The following CCDC148 variants were observed in gnomAD, a reference collection of about 807,000 sequenced individuals.
CCDC148 encodes the protein coiled-coil domain containing 148.
A neutral mutation model predicts 85.7 loss-of-function variants in CCDC148; 89 were observed. That is an observed-to-expected ratio of 1.04 (90% CI 0.87 to 1.24). CCDC148 has a LOEUF of 1.24. Among genes scored for constraint, CCDC148 ranks in the 50% most tolerant of loss-of-function variants. CCDC148 has a pLI of 0.00. For missense variants in CCDC148, 692 were observed against 671.7 expected (o/e 1.03, Z -0.33); for synonymous variants, 230 against 213.9 (o/e 1.08, Z -0.66).
intron 7 of CCDC148, among the ~76,000 whole-genome samples, chr2:158,320,758 C>A (rs1692484635): frequency 1.3e-5 from 2 of 152,022 alleles, no homozygotes; most frequent in Admixed American, 6.6e-5. Context: ...AGAATAGAAA[C>A]CCCTTATAAA....
intron 10 of CCDC148, among the ~76,000 whole-genome samples, chr2:158,247,606 C>T (rs1043933790): frequency 6.6e-6 from 1 of 152,146 alleles, no homozygotes; most frequent in Non-Finnish European, 1.5e-5. Flanking sequence ...CCTGTAATCC[C>T]AGCACTTTGG....
chr2:158,443,515 A>AAAAAAAAAAAAAAAAAAAAAAAAAAAAAG (rs1553524474), intron 1 of CCDC148, among the ~76,000 whole-genome samples: 1 of 100,896 alleles, frequency 9.9e-6, no homozygotes, highest in Non-Finnish European at 2.0e-5. Context: ...AAAAAAAAAA[A>AAAAAAAAAAAAAAAAAAAAAAAAAAAAAG]AAAAAAAAGA....
At chr2:158,261,716 C>T (rs997491532) in intron 9 of CCDC148, among the ~76,000 whole-genome samples, 5 of 151,974 alleles carry the variant, frequency 3.3e-5, no homozygotes, top group Non-Finnish European at 5.9e-5. Context: ...TGAACAGATA[C>T]TTTTCAAAAG....
chr2:158,455,806 TTAG>T (rs1688655749), intron 1 of CCDC148, among the ~76,000 whole-genome samples: 1 of 152,146 alleles, frequency 6.6e-6, no homozygotes. Context: ...CAAAAAACAA[TTAG>T]TATTGATAAA....
intron 10 of CCDC148, among the ~76,000 whole-genome samples, chr2:158,226,138 A>G (rs1349932204): frequency 1.3e-5 from 2 of 152,248 alleles, no homozygotes; most frequent in African/African-American, 2.4e-5. Context: ...CACCTATCCC[A>G]CAGAAATACA....
intron 1 of CCDC148, among the ~76,000 whole-genome samples, chr2:158,391,136 G>A (rs563261693): frequency 6.6e-6 from 1 of 152,266 alleles, no homozygotes; most frequent in South Asian, 2.1e-4. Context: ...GAAAGGATAT[G>A]TTTCCTGCTT....
At chr2:158,454,087 GGA>G (rs1042212722) in intron 1 of CCDC148, among the ~76,000 whole-genome samples, 1 of 152,206 alleles carries the variant, frequency 6.6e-6, no homozygotes, top group African/African-American at 2.4e-5. Flanking sequence ...CATTTTTGTA[GGA>G]GAGAACTTAA....
At position 158,306,936 on chromosome 2, in the gene CCDC148, G is replaced by A. The variant is rs553058452; in HGVS notation, c.1110+2497C>T. 5.3e-5 allele frequency among the ~76,000 whole-genome samples: 8 copies of A among 151,054 alleles called. No homozygotes were observed. In the South Asian group the frequency reaches 1.3e-3, roughly 24 times the overall value. On this transcript the variant is annotated intron_variant, in intron 9 of 13. Transcript: ENST00000283233. ...CAGGAAGCTGAGGCAGGAGAATGGC[G>A]TGAACCCGGGAGGCGCAGCTTGCAG... is the stretch of plus-strand genomic sequence containing the variant.
chr2:158,372,447 T>C (rs1273030453), intron 1 of CCDC148, among the ~76,000 whole-genome samples: 1 of 152,032 alleles, frequency 6.6e-6, no homozygotes, highest in African/African-American at 2.4e-5. Context: ...AGTAATCCTC[T>C]GCTTTGGAAA....
chr2:158,282,640 A>T (rs1690383571), intron 9 of CCDC148, among the ~76,000 whole-genome samples: 1 of 152,236 alleles, frequency 6.6e-6, no homozygotes, highest in South Asian at 2.1e-4. Context: ...GATACACAGA[A>T]ATGGAAAAAC....
intron 10 of CCDC148, among the ~76,000 whole-genome samples, chr2:158,225,459 T>A (rs1451826224): frequency 3.3e-5 from 5 of 152,136 alleles, no homozygotes; most frequent in African/African-American, 1.2e-4. Flanking sequence ...GCAGAACTAA[T>A]AGACATCTAC....
intron 10 of CCDC148, among the ~76,000 whole-genome samples, chr2:158,249,463 TC>T (rs1688701076): frequency 6.6e-6 from 1 of 152,136 alleles, no homozygotes; most frequent in Non-Finnish European, 1.5e-5. Flanking sequence ...AATCATCAAC[TC>T]TCTTGATAGG....
chr2:158,348,595 T>A (rs565138620), intron 2 of CCDC148, among the ~76,000 whole-genome samples: 412 of 152,144 alleles, frequency 2.7e-3, no homozygotes, highest in Non-Finnish European at 4.9e-3. Flanking sequence ...GTAGGCTTTT[T>A]AAAAATCTCT....
intron 1 of CCDC148, among the ~76,000 whole-genome samples, chr2:158,438,818 T>C (rs1426195497): frequency 1.3e-5 from 2 of 152,104 alleles, no homozygotes; most frequent in East Asian, 1.9e-4. Context: ...GGGCGAAGGA[T>C]ATGAACAGAC....
chr2:158,243,228 C>G (rs539666735), intron 10 of CCDC148, among the ~76,000 whole-genome samples: 1 of 152,118 alleles, frequency 6.6e-6, no homozygotes, highest in South Asian at 2.1e-4. Context: ...GCCACAGTCT[C>G]TAATACCTGG....
intron 1 of CCDC148, among the ~76,000 whole-genome samples, chr2:158,391,794 A>C (rs906055439): frequency 6.6e-6 from 1 of 152,142 alleles, no homozygotes; most frequent in Non-Finnish European, 1.5e-5. Context: ...TAGCTTTGGG[A>C]CTGTGATTAC....
chr2:158,204,728 CT>C (rs34562513), intron 11 of CCDC148, among the ~76,000 whole-genome samples: 34,005 of 151,750 alleles, frequency 0.22, 3,862 homozygotes, highest in Middle Eastern at 0.26. Context: ...ATACTTGACT[CT>C]GTCCAAATTC....
In CCDC148 at chr2:158,215,534, C is replaced by CT. The variant is rs1287892013; in HGVS notation, c.1370+5060dup. Among the ~76,000 whole-genome samples, 5 of 150,796 alleles carry CT rather than the reference C, an allele frequency of 3.3e-5. No homozygotes were observed. In the South Asian group the frequency reaches 6.3e-4, roughly 19 times the overall value. ...TGCCAACAGAAGGAGGCACCTTTTT[C>CT]TTTTTTTTCTTTTTTTTTTTAAATT... On this transcript the variant is annotated intron_variant, in intron 11 of 13. Transcript: ENST00000283233.
At chr2:158,193,010 T>C (rs1053714627) in intron 11 of CCDC148, among the ~76,000 whole-genome samples, 1 of 152,070 alleles carries the variant, frequency 6.6e-6, no homozygotes, top group African/African-American at 2.4e-5. Flanking sequence ...TAATCTTTAT[T>C]ATCCTTTCCC....
Sources: allele counts gnomAD v4.1 joint callset (sites outside exome capture counted in the v4.1 genomes callset), GRCh38; gene constraint gnomAD v4.1.1; transcripts MANE v1.5; gene names NCBI Gene and HGNC (gene_info 2026-07-23, HGNC 2026-07-21).